SEPTIN3: variants seen among roughly 807,000 people sequenced by gnomAD.
The protein encoded by SEPTIN3 is septin 3.
In SEPTIN3, 15 loss-of-function variants were observed where a neutral mutation model predicts 45.1. The ratio of observed to expected loss-of-function variants is 0.33; its 90% CI spans 0.22 to 0.51. The LOEUF (loss-of-function observed/expected upper bound fraction) is 0.51. SEPTIN3 is among the 20% of genes least tolerant of loss of function. SEPTIN3 has a pLI of 0.97. For missense variants in SEPTIN3, 289 were observed against 457.2 expected, an observed-to-expected ratio of 0.63 and a Z score of 3.35; for synonymous variants, 148 against 164.8, an observed-to-expected ratio of 0.90 and a Z score of 0.78.
At chr22:41,974,953 T>A (rs887469678) in intron 2 of SEPTIN3, among the ~76,000 whole-genome samples, 1 of 149,540 alleles carries the variant, frequency 6.7e-6, no homozygotes, top group Non-Finnish European at 1.5e-5. Flanking sequence ...ATTTGTCTAA[T>A]AGGTAGTCTC....
In SEPTIN3 at chr22:41,989,556, C is replaced by G; in HGVS notation, c.2046-11C>G. On this transcript the variant is annotated splice_polypyrimidine_tract_variant and intron_variant, in intron 6 of 11. Coordinates refer to ENST00000644076, the MANE Select transcript of SEPTIN3 (RefSeq NM_001363845.2). ...GGTGGCTCTGATGATTCTGCCTTTT[C>G]TGTGCCCCAGCTTGCGACCTCTGGA... 1 of 1,599,882 alleles carries G rather than the reference C, an allele frequency of 6.3e-7. No homozygotes were observed. The highest frequency in any genetic ancestry group is 8.6e-7 in the Non-Finnish European group (1 of 1,167,212).
At chr22:41,970,861 C>T (rs1038349941) in intron 1 of SEPTIN3, among the ~76,000 whole-genome samples, 1 of 152,200 alleles carries the variant, frequency 6.6e-6, no homozygotes, top group Non-Finnish European at 1.5e-5. Context: ...ACTGCCTCTC[C>T]ATTTCCCATC....
intron 11 of SEPTIN3, chr22:41,996,305 C>T: frequency 1.0e-6 from 1 of 985,356 alleles, no homozygotes; most frequent in African/African-American, 1.7e-5. Flanking sequence ...AATTCGGGGC[C>T]AGGGAAACAG....
At chr22:41,993,709 A>G (rs540329925) in intron 9 of SEPTIN3, among the ~76,000 whole-genome samples, 1 of 151,704 alleles carries the variant, frequency 6.6e-6, no homozygotes, top group African/African-American at 2.4e-5. Context: ...ACCCAGGCTG[A>G]TCTCAAACTC....
Position 41,981,849 on chromosome 22 carries a change from G to A in SEPTIN3, c.1696+13G>A. ...ATCATGGTCGTTGGTACGGAAGGCT[G>A]TGGGGCTGCTGCAGGCCTGGTGGCG... On this transcript the variant is annotated intron_variant, in intron 3 of 11. Transcript: ENST00000644076. 1.2e-6 allele frequency: 2 copies of A among 1,610,530 alleles called. No homozygotes were observed. The highest frequency in any genetic ancestry group is 1.3e-5 in the African/African-American group (1 of 74,988).
intron 5 of SEPTIN3, 87 bp downstream of exon 5, chr22:41,987,374 A>T: frequency 7.8e-7 from 1 of 1,286,276 alleles, no homozygotes; most frequent in Non-Finnish European, 1.1e-6. Context: ...GTTGAGAACC[A>T]TCTGCACCCT....
chr22:41,989,109 A>G (rs543865280), intron 6 of SEPTIN3, among the ~76,000 whole-genome samples: 1 of 147,554 alleles, frequency 6.8e-6, no homozygotes, highest in Admixed American at 6.8e-5. Context: ...CCTGGGTGAC[A>G]AAGTGAGACC....
Position 41,994,971 on chromosome 22 carries a change from T to G in SEPTIN3, c.2505+257T>G. 1 of 1,379,404 alleles carries G rather than the reference T, an allele frequency of 7.2e-7. No homozygotes were observed. The highest frequency in any genetic ancestry group is 9.4e-7 in the Non-Finnish European group (1 of 1,064,796). The allele number at this position is 1,379,404 out of a possible 1,614,324, so 85.4% of individuals were successfully genotyped here. On this transcript the variant is annotated intron_variant, in intron 11 of 11. Coordinates refer to ENST00000644076, the MANE Select transcript of SEPTIN3 (RefSeq NM_001363845.2). The surrounding 1 kb of genome is among the most constrained non-coding windows in gnomAD (Gnocchi z 4.2). ...TGTGTGTGTGCATGCAGGGGTGAGGTATTTTCACTGCCCTCCCTGGAGAGT... is the reference window on the plus strand; with the variant it reads ...TGTGTGTGTGCATGCAGGGGTGAGGGATTTTCACTGCCCTCCCTGGAGAGT...
intron 7 of SEPTIN3, 150 bp from the exon 8 acceptor site, chr22:41,991,423 G>A: frequency 3.0e-6 from 2 of 659,276 alleles, no homozygotes; most frequent in Admixed American, 4.6e-5. Context: ...CCATCTTCCT[G>A]CTGCTCAGGG....
chr22:41,987,007 T>G (rs979767593), intron 4 of SEPTIN3, among the ~76,000 whole-genome samples, 199 bp from the exon 5 acceptor site: 1 of 151,390 alleles, frequency 6.6e-6, no homozygotes, highest in African/African-American at 2.4e-5. Context: ...GAAAAAGAAA[T>G]GAGTAGAGAG....
chr22:41,987,099 A>T, intron 4 of SEPTIN3, 107 bp from the exon 5 acceptor site: 1 of 778,046 alleles, frequency 1.3e-6, no homozygotes, highest in Non-Finnish European at 2.1e-6. Flanking sequence ...CTTTTCCAAT[A>T]ACTGATCCTG....
chr22:41,987,558 A>T (rs1006077856), intron 5 of SEPTIN3, 64 bp from the exon 6 acceptor site: 3 of 1,548,236 alleles, frequency 1.9e-6, no homozygotes, highest in African/African-American at 2.7e-5. Context: ...CTACCAGATC[A>T]TGCCTAAGCT....
chr22:41,993,505 A>C (rs959421795), intron 9 of SEPTIN3, among the ~76,000 whole-genome samples: 31 of 152,068 alleles, frequency 2.0e-4, no homozygotes, highest in Non-Finnish European at 4.0e-4. Context: ...ATTTATCCCC[A>C]AAAATTAGCC....
At chr22:41,980,052 G>A (rs568214457) in intron 2 of SEPTIN3, among the ~76,000 whole-genome samples, 2 of 148,114 alleles carry the variant, frequency 1.4e-5, no homozygotes, top group South Asian at 4.4e-4. Context: ...GCTTTCACAT[G>A]TACTGTTTCA....
chr22:41,980,213 A>G (rs1182310937), intron 2 of SEPTIN3, among the ~76,000 whole-genome samples: 1 of 135,436 alleles, frequency 7.4e-6, no homozygotes, highest in Non-Finnish European at 1.5e-5. Context: ...ATCTCGGCTC[A>G]CTGCAACTCC....
At chr22:41,980,231 G>A (rs909714660) in intron 2 of SEPTIN3, among the ~76,000 whole-genome samples, 4 of 141,324 alleles carry the variant, frequency 2.8e-5, no homozygotes, top group African/African-American at 1.1e-4. Flanking sequence ...TCCGCCTTCC[G>A]ATTTCAAGCA....
intron 3 of SEPTIN3, among the ~76,000 whole-genome samples, chr22:41,983,841 C>T (rs2078159598): frequency 6.6e-6 from 1 of 152,170 alleles, no homozygotes; most frequent in South Asian, 2.1e-4. Context: ...TAATTGTCTG[C>T]TTATGTTTTG....
chr22:41,990,470 GC>G (rs1192155002), intron 7 of SEPTIN3, among the ~76,000 whole-genome samples: 2 of 151,884 alleles, frequency 1.3e-5, no homozygotes, highest in African/African-American at 2.4e-5. Flanking sequence ...ATCCAGTTGG[GC>G]GTGGTGGCTC....
chr22:41,973,255 C>A (rs1259511246), intron 2 of SEPTIN3, among the ~76,000 whole-genome samples: 2 of 152,056 alleles, frequency 1.3e-5, no homozygotes, highest in African/African-American at 4.8e-5. Context: ...GGTGTGGTGG[C>A]TCATACCTGT....
Sources: gnomAD v4.1 joint callset for allele counts (sites outside exome capture counted in the v4.1 genomes callset) on GRCh38, gnomAD v4.1.1 for gene constraint, Gnocchi (gnomAD v3.1) non-coding constraint, MANE v1.5 for transcripts, NCBI Gene and HGNC (gene_info 2026-07-23, HGNC 2026-07-21) for gene names.